Variants in REV3L observed in about 807,000 individuals in gnomAD.
REV3L encodes REV3 like, DNA directed polymerase zeta catalytic subunit.
In REV3L, 69 loss-of-function variants were observed where a neutral mutation model predicts 299.4. That is an observed-to-expected ratio of 0.23 (90% CI 0.19 to 0.28). REV3L has a LOEUF of 0.28. Among genes scored for constraint, REV3L ranks in the 10% least tolerant of loss-of-function variants. The pLI, the probability that REV3L is intolerant of heterozygous loss-of-function variation, is 1.00. For missense variants in REV3L, 3,128 were observed against 3,693.8 expected (o/e 0.85, Z 3.97); for synonymous variants, 1,238 against 1,271.4 (o/e 0.97, Z 0.56).
intron 1 of REV3L, among the ~76,000 whole-genome samples, chr6:111,465,219 T>C (rs1271601376): frequency 1.3e-5 from 2 of 150,660 alleles, no homozygotes; most frequent in East Asian, 4.1e-4. Flanking sequence ...TAGCCAGGAT[T>C]ACAGGCATGC....
Position 111,299,734 on chromosome 6 carries a change from A to G in REV3L, c.*282T>C, listed in dbSNP as rs1298746813. On this transcript the variant is annotated 3_prime_UTR_variant, in exon 32 of 32. Transcript: ENST00000368802. ...CTGGGAAGTAAACATGATCTACTCA[A>G]ATGAATTTACAAGATGGTACACATA... 4 of 217,144 alleles carry G rather than the reference A, an allele frequency of 1.8e-5. No individual in the cohort carries two copies. Among genetic ancestry groups the G allele is most frequent in the South Asian group, 1.4e-4 (1 of 7,068 alleles). The allele number at this position is 217,144 out of a possible 1,614,324, so 13.5% of individuals were successfully genotyped here.
chr6:111,470,157 C>G (rs1792004253), intron 1 of REV3L, among the ~76,000 whole-genome samples: 1 of 150,238 alleles, frequency 6.7e-6, no homozygotes, highest in Non-Finnish European at 1.5e-5. Context: ...GTTAAGAGTA[C>G]CAGGGTTTAC....
At chr6:111,420,759 A>G (rs1209230016) in intron 1 of REV3L, among the ~76,000 whole-genome samples, 1 of 152,240 alleles carries the variant, frequency 6.6e-6, no homozygotes. Flanking sequence ...ATTGTGTGTA[A>G]GTACATAACA....
intron 20 of REV3L, among the ~76,000 whole-genome samples, chr6:111,344,685 T>G (rs781139450): frequency 6.6e-5 from 10 of 152,336 alleles, no homozygotes; most frequent in Admixed American, 2.0e-4. Context: ...ATGATTTCTC[T>G]GAAATATCTA....
chr6:111,371,220 G>A (rs1384063252), intron 13 of REV3L, among the ~76,000 whole-genome samples: 2 of 152,014 alleles, frequency 1.3e-5, no homozygotes, highest in Non-Finnish European at 2.9e-5. Flanking sequence ...TAAACTTTCT[G>A]GATTAAGCCA....
At chr6:111,480,794 A>T (rs1793530549) in intron 1 of REV3L, among the ~76,000 whole-genome samples, 1 of 150,982 alleles carries the variant, frequency 6.6e-6, no homozygotes, top group African/African-American at 2.4e-5. Context: ...GTACCAAAAA[A>T]AAAACCCCAA....
intron 1 of REV3L, among the ~76,000 whole-genome samples, chr6:111,427,367 A>G (rs1786300620): frequency 6.6e-6 from 1 of 152,196 alleles, no homozygotes; most frequent in Admixed American, 6.5e-5. Context: ...TAGAACAAAC[A>G]ACTCTTTCAA....
intron 1 of REV3L, among the ~76,000 whole-genome samples, chr6:111,433,038 C>T (rs777984696): frequency 2.4e-4 from 36 of 152,034 alleles, no homozygotes; most frequent in Non-Finnish European, 4.7e-4. Context: ...CTATGGGATA[C>T]AGCAAAAGTG....
At position 111,483,173 on chromosome 6, in the gene REV3L, C is replaced by T; in HGVS notation, c.-285G>A. 2.0e-6 allele frequency: 1 copy of T among 490,328 alleles called. No individual in the cohort carries two copies. The highest frequency in any genetic ancestry group is 3.5e-6 in the Non-Finnish European group (1 of 283,072). The allele number at this position is 490,328 out of a possible 1,614,324, so 30.4% of individuals were successfully genotyped here. A position where few individuals can be genotyped will look rare whatever the true frequency, so the allele number is the denominator to read the frequency against. ...GCCACCGCCGGGAATCACACGGGCT[C>T]CTCGGTCCCAGGCTGCAGCTCTTGT... On this transcript the variant is annotated 5_prime_UTR_variant, in exon 1 of 32. Coordinates refer to ENST00000368802, the MANE Select transcript of REV3L (RefSeq NM_001372078.1).
intron 26 of REV3L, among the ~76,000 whole-genome samples, chr6:111,322,356 T>C (rs1384324816): frequency 6.6e-6 from 1 of 152,174 alleles, no homozygotes; most frequent in African/African-American, 2.4e-5. Flanking sequence ...AAGCCATAGG[T>C]ATCTTCAGTT....
upstream of REV3L, chr6:111,483,423 C>T (rs1336426094): frequency 4.7e-6 from 2 of 421,982 alleles, no homozygotes; most frequent in Admixed American, 4.5e-5. Context: ...AGCGCCCGCG[C>T]GGGATCGATG....
chr6:111,472,133 G>A, intron 1 of REV3L: 1 of 1,265,476 alleles, frequency 7.9e-7, no homozygotes, highest in Non-Finnish European at 1.0e-6. Context: ...CTTGTCTTGG[G>A]TTTTATTCTG....
intron 16 of REV3L, chr6:111,361,417 C>CA (rs1480033035): frequency 3.0e-4 from 31 of 102,234 alleles, no homozygotes; most frequent in African/African-American, 1.3e-3. Context: ...AACACACACA[C>CA]ACAAAAAAAA....
chr6:111,482,819 G>C lies in REV3L; in HGVS notation c.70C>G (p.Gln24Glu), dbSNP rs540404503. ...ASPLQGLDTC[Q>E]SPLTQAPVKK... ...ACAGGGGCCTGGGTGAGGGGGGATT[G>C]GCAGGTATCCAGCCCCTGCAGCGGG... is the stretch of plus-strand genomic sequence containing the variant. The change falls in exon 1 of 32, where the codon CAA becomes GAA. Residue 24 changes from glutamine (Q) to glutamate (E), a missense_variant. Around this residue, in one of 9 missense-constraint regions of REV3L, gnomAD observed 48 missense variants for 42.8 expected, o/e 1.12. Transcript: ENST00000368802. 34 of 1,507,882 alleles carry C rather than the reference G, an allele frequency of 2.3e-5. No homozygotes were observed. In the African/African-American group the frequency reaches 5.0e-4, roughly 22 times the overall value. The allele number at this position is 1,507,882 out of a possible 1,614,324, so 93.4% of individuals were successfully genotyped here. A position where few individuals can be genotyped will look rare whatever the true frequency, so the allele number is the denominator to read the frequency against.
intron 1 of REV3L, among the ~76,000 whole-genome samples, chr6:111,418,993 A>G (rs1244622979): frequency 6.6e-6 from 1 of 152,186 alleles, no homozygotes; most frequent in Non-Finnish European, 1.5e-5. Flanking sequence ...AAAAAGAGGG[A>G]CTCTGATACA....
intron 1 of REV3L, among the ~76,000 whole-genome samples, chr6:111,433,905 A>G (rs1787233083): frequency 6.6e-6 from 1 of 152,224 alleles, no homozygotes; most frequent in Non-Finnish European, 1.5e-5. Flanking sequence ...ACATAAGCAA[A>G]TCAGTGAACA....
At position 111,392,868 on chromosome 6, in the gene REV3L, T is replaced by G. The variant is rs1412370450; in HGVS notation, c.662+8A>C. 5.8e-6 allele frequency: 9 copies of G among 1,561,752 alleles called. No individual in the cohort carries two copies. The highest frequency in any genetic ancestry group is 4.1e-5 in the African/African-American group (3 of 73,872). On this transcript the variant is annotated splice_region_variant and intron_variant, in intron 5 of 31. Transcript: ENST00000368802. ...AAAATTTTCATTTCCTTTACAACAT[T>G]AACTAACCTTGGTATTTCATCTTGT...
chr6:111,337,743 A>G (rs1230482107), intron 21 of REV3L, among the ~76,000 whole-genome samples: 1 of 152,190 alleles, frequency 6.6e-6, no homozygotes, highest in Non-Finnish European at 1.5e-5. Flanking sequence ...GTTTTGTTTT[A>G]GATCATTAAT....
chr6:111,464,608 A>G (rs552242874), intron 1 of REV3L, among the ~76,000 whole-genome samples: 2 of 152,024 alleles, frequency 1.3e-5, no homozygotes, highest in African/African-American at 4.8e-5. Context: ...TGGAACTCTT[A>G]AGAGATAAGA....
Sources: allele counts gnomAD v4.1 joint callset (sites outside exome capture counted in the v4.1 genomes callset), GRCh38; gene constraint gnomAD v4.1.1; regional missense constraint gnomAD v4.1.1; transcripts MANE v1.5; gene names NCBI Gene and HGNC (gene_info 2026-07-23, HGNC 2026-07-21).